The following MED4 variants were observed in gnomAD, a reference collection of about 807,000 sequenced individuals.
MED4 encodes mediator of RNA polymerase II transcription subunit 4.
In MED4, 21 loss-of-function variants were observed where a neutral mutation model predicts 35.0. That is an observed-to-expected ratio of 0.60 (90% CI 0.43 to 0.86). The LOEUF is 0.86. MED4 is among the 40% of genes least tolerant of loss of function. The pLI, the probability that MED4 is intolerant of heterozygous loss-of-function variation, is 0.00. For synonymous variants in MED4, 138 were observed against 114.0 expected (o/e 1.21, Z -1.34); for missense variants, 300 against 319.4 (o/e 0.94, Z 0.46).
At chr13:48,077,879 T>C (rs11618554) in intron 6 of MED4, among the ~76,000 whole-genome samples, 15,297 of 152,236 alleles carry the variant, frequency 0.1, 864 homozygotes, top group Middle Eastern at 0.19. Flanking sequence ...ACATTTGTAA[T>C]TACAAATTTT....
chr13:48,080,557 AT>A (rs1029428157), intron 5 of MED4, among the ~76,000 whole-genome samples: 2 of 151,998 alleles, frequency 1.3e-5, no homozygotes, highest in Non-Finnish European at 1.5e-5. Context: ...AAGAGATGTC[AT>A]TTTTTTGTAG....
chr13:48,080,113 C>T (rs1950793970), intron 5 of MED4, 138 bp from the exon 6 acceptor site: 4 of 952,988 alleles, frequency 4.2e-6, no homozygotes, highest in Non-Finnish European at 6.1e-6. Context: ...CAGAAGTCAT[C>T]TGGCCAGGTG....
At chr13:48,091,099 TA>T (rs1429450556) in intron 1 of MED4, among the ~76,000 whole-genome samples, 1 of 152,232 alleles carries the variant, frequency 6.6e-6, no homozygotes, top group Non-Finnish European at 1.5e-5. Context: ...AACATATGTT[TA>T]TATATTTTAA....
At chr13:48,082,009 TTCC>T (rs1950811896) in intron 4 of MED4, among the ~76,000 whole-genome samples, 1 of 152,162 alleles carries the variant, frequency 6.6e-6, no homozygotes, top group Non-Finnish European at 1.5e-5. Flanking sequence ...TTAAATACCA[TTCC>T]TCTTCTGAAA....
At chr13:48,081,804 T>A in intron 4 of MED4, 73 bp from the exon 5 acceptor site, 15 of 817,060 alleles carry the variant, frequency 1.8e-5, no homozygotes, top group Non-Finnish European at 2.6e-5. Context: ...TATCTATCAG[T>A]TACACATCGT....
rs779362399 is a variant in MED4, at chr13:48,075,882, G to T, written c.*1257C>A. 3.3e-5 allele frequency: 5 copies of T among 152,060 alleles called. No individual in the cohort carries two copies. The highest frequency in any genetic ancestry group is 5.9e-5 in the Non-Finnish European group (4 of 68,014). 9.4% of individuals were successfully genotyped at this position (152,060 alleles called of 1,614,324 possible). ...CAAACATTGTATGTCCTTAATTCTA[G>T]ATGGTGAAAATATAAGATTAATCTC... On this transcript the variant is annotated 3_prime_UTR_variant, in exon 7 of 7. Transcript: ENST00000258648.
intron 1 of MED4, among the ~76,000 whole-genome samples, chr13:48,092,267 C>T (rs968085617): frequency 1.3e-5 from 2 of 151,468 alleles, no homozygotes; most frequent in African/African-American, 4.9e-5. Context: ...GCCACCACGC[C>T]CGGCTAATTT....
intron 2 of MED4, 71 bp downstream of exon 2, chr13:48,090,281 C>T: frequency 3.3e-6 from 4 of 1,199,040 alleles, no homozygotes; most frequent in Non-Finnish European, 4.7e-6. Context: ...AGGAAACTTG[C>T]AGAAATCAAG....
intron 5 of MED4, 157 bp from the exon 6 acceptor site, chr13:48,080,132 C>G (rs1238609426): frequency 1.3e-6 from 1 of 743,916 alleles, no homozygotes; most frequent in East Asian, 3.3e-5. Flanking sequence ...TGCAGTGGCT[C>G]ACGCCTGTAA....
intron 1 of MED4, among the ~76,000 whole-genome samples, chr13:48,092,407 C>T (rs1415376829): frequency 6.6e-6 from 1 of 152,196 alleles, no homozygotes; most frequent in African/African-American, 2.4e-5. Context: ...CCACTGCGCC[C>T]GGCCTAGTGT....
intron 1 of MED4, among the ~76,000 whole-genome samples, chr13:48,093,145 C>T (rs1266242547): frequency 1.3e-5 from 2 of 152,118 alleles, no homozygotes; most frequent in East Asian, 1.9e-4. Context: ...GCGGTTAGAG[C>T]CTACATTATT....
intron 3 of MED4, among the ~76,000 whole-genome samples, chr13:48,084,390 G>A (rs1267894720): frequency 2.0e-5 from 3 of 152,048 alleles, no homozygotes; most frequent in African/African-American, 4.8e-5. Context: ...TCTAAATGAC[G>A]ACACTGACTT....
Position 48,077,341 on chromosome 13 carries a change from C to T in MED4, c.641-30G>A, listed in dbSNP as rs751327866. Reference sequence around the variant, plus strand: ...AGAAAAAAAGAAGCATAGATAAGAACAGCTCTATCTGTAATTAATCTAGTT... The same window carrying T: ...AGAAAAAAAGAAGCATAGATAAGAATAGCTCTATCTGTAATTAATCTAGTT... On this transcript the variant is annotated intron_variant, in intron 6 of 6. Coordinates refer to ENST00000258648, the MANE Select transcript of MED4 (RefSeq NM_014166.4). 7.1e-6 allele frequency: 10 copies of T among 1,418,268 alleles called. No homozygotes were observed. In the South Asian group the frequency reaches 1.1e-4, roughly 16 times the overall value. The allele number at this position is 1,418,268 out of a possible 1,614,324, so 87.9% of individuals were successfully genotyped here. A position where few individuals can be genotyped will look rare whatever the true frequency, so the allele number is the denominator to read the frequency against.
chr13:48,082,371 C>A (rs1950815205), intron 4 of MED4, among the ~76,000 whole-genome samples: 1 of 152,080 alleles, frequency 6.6e-6, no homozygotes, highest in African/African-American at 2.4e-5. Context: ...CTTCATTTTA[C>A]AAACTTTAGA....
At chr13:48,077,347 T>G in intron 6 of MED4, 36 bp from the exon 7 acceptor site, 2 of 1,379,808 alleles carry the variant, frequency 1.4e-6, no homozygotes, top group Non-Finnish European at 1.9e-6. Context: ...AGAACAGCTC[T>G]ATCTGTAATT....
rs1421577616 is a variant in MED4, at chr13:48,095,075, C to T, written c.4G>A (p.Ala2Thr). The change falls in exon 1 of 7, where the codon GCT becomes ACT. Residue 2 changes from alanine to threonine, a missense_variant. By Grantham distance (58) the Ala-to-Thr change is moderately conservative. Coordinates refer to ENST00000258648, the MANE Select transcript of MED4 (RefSeq NM_014166.4). ...TCCTTCTCACCACTCGAAGACGCAGCCATTTTCCCCAGAGTCCCGCCACCG... is the reference window on the plus strand; with the variant it reads ...TCCTTCTCACCACTCGAAGACGCAGTCATTTTCCCCAGAGTCCCGCCACCG... M[A>T]ASSSGEKEKE... 6.2e-7 allele frequency: 1 copy of T among 1,603,170 alleles called. No homozygotes were observed. Among genetic ancestry groups the T allele is most frequent in the Non-Finnish European group, 8.5e-7 (1 of 1,179,832 alleles).
At chr13:48,085,946 C>CAAAAAAAAAAAAAAA (rs149104670) in intron 3 of MED4, among the ~76,000 whole-genome samples, 1 of 121,320 alleles carries the variant, frequency 8.2e-6, no homozygotes. Flanking sequence ...GATCAGAGAC[C>CAAAAAAAAAAAAAAA]AAAAAAAAAA....
chr13:48,077,954 A>G (rs1039558175), intron 6 of MED4, among the ~76,000 whole-genome samples: 1 of 152,146 alleles, frequency 6.6e-6, no homozygotes, highest in Non-Finnish European at 1.5e-5. Context: ...GGTTATGTAG[A>G]TTATTCTACA....
chr13:48,079,712 G>A lies in MED4; in HGVS notation c.640+132C>T, dbSNP rs866517296. 406 of 1,087,400 alleles carry A rather than the reference G, an allele frequency of 3.7e-4. 1 individual carries two copies. The Middle Eastern group carries it at 0.011, about 30-fold the overall frequency. The allele number at this position is 1,087,400 out of a possible 1,614,324, so 67.4% of individuals were successfully genotyped here. A position where few individuals can be genotyped will look rare whatever the true frequency, so the allele number is the denominator to read the frequency against. On this transcript the variant is annotated intron_variant, in intron 6 of 6. Coordinates refer to ENST00000258648, the MANE Select transcript of MED4 (RefSeq NM_014166.4). ...CGCTCCAGCCTGGGTGACATAACAA[G>A]ACTGTCTCAAATTTACAAAAAAAAA...
Sources: allele counts gnomAD v4.1 joint callset (sites outside exome capture counted in the v4.1 genomes callset), GRCh38; gene constraint gnomAD v4.1.1; transcripts MANE v1.5; gene names NCBI Gene and HGNC (gene_info 2026-07-23, HGNC 2026-07-21).